The following BCAT1 variants were observed in gnomAD, a reference collection of about 807,000 sequenced individuals.
The protein encoded by BCAT1 is branched chain amino acid transaminase 1, also known as branched-chain-amino-acid aminotransferase, cytosolic.
BCAT1 carries 48 observed loss-of-function variants against 52.4 expected under a neutral mutation model. The observed-to-expected ratio is 0.92, with a 90% confidence interval of 0.73 to 1.16. BCAT1 has a LOEUF of 1.16. BCAT1 is among the 50% of genes most tolerant of loss of function. The pLI is 0.00. For missense variants in BCAT1, 451 were observed against 457.1 expected (o/e 0.99, Z 0.12); for synonymous variants, 167 against 161.3 (o/e 1.04, Z -0.27).
intron 5 of BCAT1, among the ~76,000 whole-genome samples, chr12:24,856,974 G>C (rs1349879139): frequency 1.3e-5 from 2 of 152,136 alleles, no homozygotes; most frequent in Admixed American, 6.5e-5. Flanking sequence ...TGGGGTTCCT[G>C]TCAATTAGTC....
intron 3 of BCAT1, among the ~76,000 whole-genome samples, chr12:24,885,292 A>G (rs1200834431): frequency 1.3e-5 from 2 of 152,218 alleles, no homozygotes; most frequent in African/African-American, 4.8e-5. Flanking sequence ...AACACTATTT[A>G]CAGTAGAATT....
At chr12:24,838,094 C>A (rs1041387646) in intron 7 of BCAT1, among the ~76,000 whole-genome samples, 5 of 152,112 alleles carry the variant, frequency 3.3e-5, no homozygotes, top group African/African-American at 1.2e-4. Context: ...ACTGAGGCCA[C>A]CACCCTCTCC....
chr12:24,901,196 T>C (rs1175510308), intron 2 of BCAT1, among the ~76,000 whole-genome samples: 2 of 152,142 alleles, frequency 1.3e-5, no homozygotes, highest in African/African-American at 2.4e-5. Flanking sequence ...TCTGTGTCAA[T>C]TGTCTGATGA....
chr12:24,911,639 T>C (rs1943328330), intron 1 of BCAT1, among the ~76,000 whole-genome samples: 1 of 152,188 alleles, frequency 6.6e-6, no homozygotes, highest in African/African-American at 2.4e-5. Flanking sequence ...GCAGACAAAG[T>C]GCAAATTCCT....
chr12:24,920,468 G>A (rs969928542), intron 1 of BCAT1, among the ~76,000 whole-genome samples: 1 of 152,070 alleles, frequency 6.6e-6, no homozygotes, highest in Non-Finnish European at 1.5e-5. Context: ...TATTTTTGGG[G>A]TAGCATATTT....
At chr12:24,933,931 C>T (rs892397008) in intron 1 of BCAT1, among the ~76,000 whole-genome samples, 4 of 152,032 alleles carry the variant, frequency 2.6e-5, no homozygotes, top group African/African-American at 9.7e-5. Flanking sequence ...GGCTGGTCAC[C>T]CCACCCTAAT....
At position 24,813,479 on chromosome 12, in the gene BCAT1, T is replaced by G. The variant is rs141971601; in HGVS notation, c.*4529A>C. On this transcript the variant is annotated 3_prime_UTR_variant, in exon 11 of 11. Transcript: ENST00000261192. ...CTAGAAAAATTCACTCTAGGATCAT[T>G]TTCTTTGTTTATTTCCATCTAATCT... The G allele has an allele frequency of 2.0e-3, 305 of 152,198 alleles. 1 individual carries two copies. Among genetic ancestry groups the G allele is most frequent in the African/African-American group, 7.0e-3 (290 of 41,574 alleles). 9.4% of individuals were successfully genotyped at this position (152,198 alleles called of 1,614,324 possible).
At chr12:24,896,120 C>T (rs963026030) in intron 2 of BCAT1, among the ~76,000 whole-genome samples, 9 of 152,102 alleles carry the variant, frequency 5.9e-5, no homozygotes, top group Non-Finnish European at 8.8e-5. Context: ...TCCCAAAGTT[C>T]TAAGATTACA....
chr12:24,883,608 A>C (rs1486214051), intron 3 of BCAT1, among the ~76,000 whole-genome samples: 1 of 152,204 alleles, frequency 6.6e-6, no homozygotes, highest in Non-Finnish European at 1.5e-5. Flanking sequence ...AAACTAAATT[A>C]AATTAAAATT....
chr12:24,923,578 T>G (rs1433279180), intron 1 of BCAT1, among the ~76,000 whole-genome samples: 1 of 152,144 alleles, frequency 6.6e-6, no homozygotes, highest in African/African-American at 2.4e-5. Context: ...GGCTAATTTT[T>G]TGTTTGTTTT....
intron 5 of BCAT1, among the ~76,000 whole-genome samples, chr12:24,850,914 CAA>C (rs564508062): frequency 6.6e-6 from 1 of 151,848 alleles, no homozygotes; most frequent in Non-Finnish European, 1.5e-5. Flanking sequence ...ACAATATCTT[CAA>C]AAAAACAGGG....
At chr12:24,917,284 T>TTCTTCCGCCTCAGCCTGCCGG (rs1278047682) in intron 1 of BCAT1, among the ~76,000 whole-genome samples, 2 of 148,056 alleles carry the variant, frequency 1.4e-5, no homozygotes, top group African/African-American at 5.0e-5. Flanking sequence ...CTTCGCGCCA[T>TTCTTCCGCCTCAGCCTGCCGG]TCTTCCGCCT....
At position 24,816,644 on chromosome 12, in the gene BCAT1, T is replaced by C; in HGVS notation, c.*1364A>G. 1 of 397,822 alleles carries C rather than the reference T, an allele frequency of 2.5e-6. No homozygotes were observed. The allele number at this position is 397,822 out of a possible 1,614,324, so 24.6% of individuals were successfully genotyped here. A position where few individuals can be genotyped will look rare whatever the true frequency, so the allele number is the denominator to read the frequency against. ...CAATTAACACTTGACATAAAACATTTGTCATTTCCATTTGGTTGGTATGAT... is the reference window on the plus strand; with the variant it reads ...CAATTAACACTTGACATAAAACATTCGTCATTTCCATTTGGTTGGTATGAT... On this transcript the variant is annotated 3_prime_UTR_variant, in exon 11 of 11. Transcript: ENST00000261192.
At chr12:24,943,196 A>G (rs907702870) in intron 1 of BCAT1, among the ~76,000 whole-genome samples, 6 of 152,206 alleles carry the variant, frequency 3.9e-5, no homozygotes, top group Admixed American at 3.3e-4. Flanking sequence ...CATACTTTTC[A>G]TAAGATTTAC....
intron 1 of BCAT1, among the ~76,000 whole-genome samples, chr12:24,935,885 C>G (rs1565505684): frequency 6.6e-6 from 1 of 152,182 alleles, no homozygotes; most frequent in Non-Finnish European, 1.5e-5. Flanking sequence ...TCAGCCCTCA[C>G]CAACAACACA....
intron 1 of BCAT1, among the ~76,000 whole-genome samples, chr12:24,947,687 AG>A (rs1255883762): frequency 2.0e-5 from 3 of 152,236 alleles, no homozygotes; most frequent in Non-Finnish European, 2.9e-5. Context: ...TGGAAGGGAC[AG>A]GGGTTTTTGG....
At chr12:24,867,956 G>T (rs976738012) in intron 5 of BCAT1, among the ~76,000 whole-genome samples, 5 of 152,224 alleles carry the variant, frequency 3.3e-5, no homozygotes, top group African/African-American at 1.2e-4. Flanking sequence ...AGTGAGCCGA[G>T]ATTGCACCAC....
chr12:24,857,821 G>A (rs911365261), intron 5 of BCAT1, among the ~76,000 whole-genome samples: 2 of 152,182 alleles, frequency 1.3e-5, no homozygotes, highest in Admixed American at 1.3e-4. Context: ...TGCATTATGG[G>A]AGAGCTTTTA....
rs1181688381 is a variant in BCAT1 at position 24,812,687 on chromosome 12, T to C, written c.*5321A>G. ...AACACAAAAATATGTTTTGTTTTTT[T>C]CCCCTCCTCTATCATTCCTTTCTTC... On this transcript the variant is annotated 3_prime_UTR_variant, in exon 11 of 11. Transcript: ENST00000261192. The C allele has an allele frequency of 2.0e-5, 3 of 152,010 alleles. No homozygotes were observed. The highest frequency in any genetic ancestry group is 1.9e-4 in the East Asian group (1 of 5,196). The allele number at this position is 152,010 out of a possible 1,614,324, so 9.4% of individuals were successfully genotyped here. A position where few individuals can be genotyped will look rare whatever the true frequency, so the allele number is the denominator to read the frequency against.
Sources: allele counts gnomAD v4.1 joint callset (sites outside exome capture counted in the v4.1 genomes callset), GRCh38; gene constraint gnomAD v4.1.1; transcripts MANE v1.5; gene names NCBI Gene and HGNC (gene_info 2026-07-23, HGNC 2026-07-21).